The following KCNK12 variants were observed in gnomAD, a reference collection of about 807,000 sequenced individuals.
KCNK12 encodes potassium two pore domain channel subfamily K member 12, also known as potassium channel subfamily K member 12.
In KCNK12, 6 loss-of-function variants were observed where a neutral mutation model predicts 25.3. That is an observed-to-expected ratio of 0.24 (90% CI 0.13 to 0.47). KCNK12 has a LOEUF of 0.47. KCNK12 is among the 20% of genes least tolerant of loss of function. The pLI is 0.99. For missense variants in KCNK12, 444 were observed against 661.7 expected, an observed-to-expected ratio of 0.67 and a Z score of 3.61; for synonymous variants, 331 against 311.1, an observed-to-expected ratio of 1.06 and a Z score of -0.67.
Position 47,569,910 on chromosome 2 carries a change from A to G in KCNK12, c.391+31T>C. On this transcript the variant is annotated intron_variant, in intron 1 of 1. Coordinates refer to ENST00000327876, the MANE Select transcript of KCNK12 (RefSeq NM_022055.2). The surrounding 1 kb of genome is among the most constrained non-coding windows in gnomAD (Gnocchi z 4.1). ...AGGGCGGCAGGTGAAAGGCACAGAGAGGAAAGATGCGCGGGGGACGCGCCG... is the reference window on the plus strand; with the variant it reads ...AGGGCGGCAGGTGAAAGGCACAGAGGGGAAAGATGCGCGGGGGACGCGCCG... The G allele has an allele frequency of 1.5e-6, 2 of 1,328,340 alleles. No individual in the cohort carries two copies. Among genetic ancestry groups the G allele is most frequent in the Non-Finnish European group, 1.9e-6 (2 of 1,032,438 alleles). The allele number at this position is 1,328,340 out of a possible 1,614,324, so 82.3% of individuals were successfully genotyped here. A position where few individuals can be genotyped will look rare whatever the true frequency, so the allele number is the denominator to read the frequency against.
rs1370948512 is a variant in KCNK12, at chr2:47,533,902, T to C, written c.392-12094A>G. 2.0e-5 allele frequency among the ~76,000 whole-genome samples: 3 copies of C among 151,790 alleles called. No individual in the cohort carries two copies. The highest frequency in any genetic ancestry group is 4.4e-5 in the Non-Finnish European group (3 of 67,940). On this transcript the variant is annotated intron_variant, in intron 1 of 1. Coordinates refer to ENST00000327876, the MANE Select transcript of KCNK12 (RefSeq NM_022055.2). This position sits in a 1 kb window ranked among gnomAD's most constrained non-coding sequence, Gnocchi z 4.7. ...GAGCATCCAGTGCACCCCTCTTGCA[T>C]TGGGTGCGCAGTGATCCGGACAGAG...
chr2:47,570,326 G>T lies in KCNK12; in HGVS notation c.6C>A (p.Ser2=). Residue 2 remains serine, a synonymous_variant, in exon 1 of 2, where the codon TCC becomes TCA. Coordinates refer to ENST00000327876, the MANE Select transcript of KCNK12 (RefSeq NM_022055.2). M[S]SRSPRPPPRR... Reference sequence around the variant, plus strand: ...GGGGCGGGGGCCGGGGGCTGCGGGAGGACATGGTCCGGAGCTCAGCCCCGG... The same window carrying T: ...GGGGCGGGGGCCGGGGGCTGCGGGATGACATGGTCCGGAGCTCAGCCCCGG... 7.6e-7 allele frequency: 1 copy of T among 1,322,288 alleles called. No individual in the cohort carries two copies. Among genetic ancestry groups the T allele is most frequent in the Non-Finnish European group, 9.6e-7 (1 of 1,039,768 alleles). 81.9% of individuals were successfully genotyped at this position (1,322,288 alleles called of 1,614,324 possible). A position where few individuals can be genotyped will look rare whatever the true frequency, so the allele number is the denominator to read the frequency against.
intron 1 of KCNK12, among the ~76,000 whole-genome samples, chr2:47,554,174 G>C (rs1342538846): frequency 6.6e-6 from 1 of 152,154 alleles, no homozygotes; most frequent in Non-Finnish European, 1.5e-5. Flanking sequence ...ACTGTGCTAG[G>C]CAATGGGAAT....
intron 1 of KCNK12, chr2:47,543,866 A>G (rs1669254279): frequency 6.6e-6 from 1 of 152,248 alleles, no homozygotes; most frequent in South Asian, 2.1e-4. Context: ...GGATTGAGAC[A>G]TCGCCCACCC....
intron 1 of KCNK12, among the ~76,000 whole-genome samples, chr2:47,561,778 G>C (rs1235218367): frequency 6.6e-6 from 1 of 152,158 alleles, no homozygotes; most frequent in Non-Finnish European, 1.5e-5. Context: ...CCACTCACCA[G>C]AACCACACAG....
rs1057240786 is a variant in KCNK12 at position 47,528,348 on chromosome 2, C to T, written c.392-6540G>A. The T allele has an allele frequency of 6.6e-6, 1 of 152,440 alleles. No homozygotes were observed. Among genetic ancestry groups the T allele is most frequent in the African/African-American group, 2.4e-5 (1 of 41,460 alleles). The allele number at this position is 152,440 out of a possible 1,614,324, so 9.4% of individuals were successfully genotyped here. ...AGACAAGGTGGGGGTGGAGGATGGT[C>T]CATCCTTCTTCCGCATCAAGGTCAG... On this transcript the variant is annotated intron_variant, in intron 1 of 1. Transcript: ENST00000327876. The surrounding 1 kb of genome is among the most constrained non-coding windows in gnomAD (Gnocchi z 4.5).
In KCNK12 at chr2:47,513,206, G is replaced by T. The variant is rs1348854690; in HGVS notation, c.*7701C>A. 6.6e-6 allele frequency: 1 copy of T among 152,210 alleles called. No homozygotes were observed. Among genetic ancestry groups the T allele is most frequent in the African/African-American group, 2.4e-5 (1 of 41,452 alleles). 9.4% of individuals were successfully genotyped at this position (152,210 alleles called of 1,614,324 possible). ...CTGTATCCTAACTTGTATCCCTAAT[G>T]TGTGACCCATGAAAATTAGCCAGGC... On this transcript the variant is annotated 3_prime_UTR_variant, in exon 2 of 2. Transcript: ENST00000327876.
chr2:47,550,210 T>A (rs565244073), intron 1 of KCNK12, among the ~76,000 whole-genome samples: 31 of 151,964 alleles, frequency 2.0e-4, no homozygotes, highest in Non-Finnish European at 4.3e-4. Context: ...TTTCCAAATT[T>A]GAGAAAATTT....
intron 1 of KCNK12, chr2:47,564,672 G>A (rs1343586340): frequency 2.2e-5 from 4 of 178,706 alleles, no homozygotes; most frequent in African/African-American, 9.5e-5. Flanking sequence ...TTAGTGCAGT[G>A]GTATCATGAA....
intron 1 of KCNK12, among the ~76,000 whole-genome samples, chr2:47,567,726 A>T (rs1669811783): frequency 6.6e-6 from 1 of 152,202 alleles, no homozygotes; most frequent in African/African-American, 2.4e-5. Flanking sequence ...TTTGGAAGCA[A>T]CGTGCTGGGT....
intron 1 of KCNK12, among the ~76,000 whole-genome samples, chr2:47,553,665 A>T (rs181515792): frequency 6.6e-6 from 1 of 152,242 alleles, no homozygotes; most frequent in Non-Finnish European, 1.5e-5. Context: ...TAAAATAGTC[A>T]TGATCACATT....
chr2:47,558,688 G>A (rs1313387213), intron 1 of KCNK12, among the ~76,000 whole-genome samples: 4 of 152,198 alleles, frequency 2.6e-5, no homozygotes, highest in Non-Finnish European at 5.9e-5. Flanking sequence ...CATTTGGAAA[G>A]GATTAGAGAG....
chr2:47,524,220 G>A (rs566434287), intron 1 of KCNK12, among the ~76,000 whole-genome samples: 2 of 152,338 alleles, frequency 1.3e-5, no homozygotes, highest in South Asian at 4.1e-4. Context: ...TCAAGTTCTT[G>A]AGTTTATAAA....
chr2:47,563,968 G>A (rs1433781723), intron 1 of KCNK12: 5 of 231,678 alleles, frequency 2.2e-5, no homozygotes, highest in Non-Finnish European at 4.3e-5. Flanking sequence ...GGGGATCCAG[G>A]TACCTTTCTT....
chr2:47,531,897 G>T (rs1668938730), intron 1 of KCNK12, among the ~76,000 whole-genome samples: 2 of 152,116 alleles, frequency 1.3e-5, no homozygotes, highest in South Asian at 4.2e-4. Context: ...CCTTCATGGG[G>T]TGTAACTAAC....
At position 47,514,453 on chromosome 2, in the gene KCNK12, G is replaced by A. The variant is rs1573615644; in HGVS notation, c.*6454C>T. On this transcript the variant is annotated 3_prime_UTR_variant, in exon 2 of 2. Coordinates refer to ENST00000327876, the MANE Select transcript of KCNK12 (RefSeq NM_022055.2). The surrounding 1 kb of genome is among the most constrained non-coding windows in gnomAD (Gnocchi z 5.0). ...GGGGATGCCTGACCCCAAACTAGAC[G>A]AGTTACTTGACCTCTCTGACCCAAG... is the stretch of plus-strand genomic sequence containing the variant. 6.6e-6 allele frequency among the ~76,000 whole-genome samples: 1 copy of A among 152,226 alleles called. No homozygotes were observed. Among genetic ancestry groups the A allele is most frequent in the Non-Finnish European group, 1.5e-5 (1 of 68,036 alleles).
chr2:47,525,374 C>A lies in KCNK12; in HGVS notation c.392-3566G>T, dbSNP rs538471605. Among the ~76,000 whole-genome samples, 1 of 152,318 alleles carries A rather than the reference C, an allele frequency of 6.6e-6. No homozygotes were observed. The highest frequency in any genetic ancestry group is 2.1e-4 in the South Asian group (1 of 4,828). On this transcript the variant is annotated intron_variant, in intron 1 of 1. Transcript: ENST00000327876. The surrounding 1 kb of genome is among the most constrained non-coding windows in gnomAD (Gnocchi z 4.1). ...GGACTTATGGAGTGTCAGCAAGAGC[C>A]CGGCAGCTCACTTCCTAGCTGGCTG...
rs555430977 is a variant in KCNK12, at chr2:47,516,737, T to C, written c.*4170A>G. 1 of 152,330 alleles carries C rather than the reference T, an allele frequency of 6.6e-6. No individual in the cohort carries two copies. Among genetic ancestry groups the C allele is most frequent in the African/African-American group, 2.4e-5 (1 of 41,570 alleles). 9.4% of individuals were successfully genotyped at this position (152,330 alleles called of 1,614,324 possible). On this transcript the variant is annotated 3_prime_UTR_variant, in exon 2 of 2. Transcript: ENST00000327876. ...GAGAACAGATAGCATAAAAAATGAT[T>C]TGTAAAGCAAGGGGGAGCTTCCTTA...
At chr2:47,558,509 A>G (rs1669595750) in intron 1 of KCNK12, among the ~76,000 whole-genome samples, 1 of 152,208 alleles carries the variant, frequency 6.6e-6, no homozygotes, top group East Asian at 1.9e-4. Context: ...CCCCGCCCCT[A>G]GGAAATGCCA....
Sources: allele counts gnomAD v4.1 joint callset (sites outside exome capture counted in the v4.1 genomes callset), GRCh38; gene constraint gnomAD v4.1.1; non-coding constraint Gnocchi (gnomAD v3.1); transcripts MANE v1.5; gene names NCBI Gene and HGNC (gene_info 2026-07-23, HGNC 2026-07-21).